The following CDC37L1 variants were observed in gnomAD, a reference collection of about 807,000 sequenced individuals.
CDC37L1 encodes cell division cycle 37 like 1, HSP90 cochaperone.
A neutral mutation model predicts 45.9 loss-of-function variants in CDC37L1; 32 were observed. The ratio of observed to expected loss-of-function variants is 0.70; its 90% CI spans 0.53 to 0.94. The LOEUF is 0.94. Ranked by LOEUF, CDC37L1 falls within the 40% of genes least tolerant of loss-of-function variation. The probability of loss-of-function intolerance (pLI) is 0.00; values close to 1 mark genes in which losing one functional copy is unlikely to be tolerated. For missense variants in CDC37L1, 434 were observed against 405.7 expected (o/e 1.07, Z -0.60); for synonymous variants, 150 against 133.0 (o/e 1.13, Z -0.88).
intron 4 of CDC37L1, 105 bp downstream of exon 4, chr9:4,697,316 A>G: frequency 1.5e-6 from 1 of 651,240 alleles, no homozygotes; most frequent in Non-Finnish European, 2.7e-6. Context: ...TTTAAAAGAA[A>G]GCAGGAAGGT....
At chr9:4,704,850 T>C (rs1178832696) in intron 6 of CDC37L1, among the ~76,000 whole-genome samples, 1 of 152,154 alleles carries the variant, frequency 6.6e-6, no homozygotes, top group Non-Finnish European at 1.5e-5. Flanking sequence ...CAGTTAACTT[T>C]AGGTTTATCC....
chr9:4,688,855 A>T (rs1366321571), intron 3 of CDC37L1, among the ~76,000 whole-genome samples: 3 of 152,052 alleles, frequency 2.0e-5, no homozygotes, highest in Admixed American at 2.0e-4. Context: ...TACCTTTAAG[A>T]CAACTTTATG....
In CDC37L1 at chr9:4,679,893, C is replaced by T. The variant is rs761869487; in HGVS notation, c.126C>T (p.Gly42=). The stretch of plus-strand genomic sequence containing the variant: ...GCTGCCCGCAGCTGCCAGGCGGCGG[C>T]GCCCAGGTGAGAAGGGGCCTGCGTT... ...SPRCPQLPGG[G]AQMYSHGIEL... Residue 42 remains glycine, a synonymous_variant, in exon 1 of 7, where the codon GGC becomes GGT. Transcript: ENST00000381854. The T allele has an allele frequency of 1.2e-6, 2 of 1,613,720 alleles. No individual in the cohort carries two copies. Among genetic ancestry groups the T allele is most frequent in the Non-Finnish European group, 1.7e-6 (2 of 1,179,892 alleles).
At chr9:4,695,504 C>G (rs1016246983) in intron 3 of CDC37L1, among the ~76,000 whole-genome samples, 1 of 151,772 alleles carries the variant, frequency 6.6e-6, no homozygotes, top group Non-Finnish European at 1.5e-5. Flanking sequence ...TTTTTTTAAT[C>G]CTTTTAAGAG....
At chr9:4,681,934 G>T (rs574156189) in intron 1 of CDC37L1, among the ~76,000 whole-genome samples, 1 of 152,194 alleles carries the variant, frequency 6.6e-6, no homozygotes, top group South Asian at 2.1e-4. Context: ...TATGGTCATG[G>T]ATTAGAATGT....
rs570324459 is a variant in CDC37L1, at chr9:4,680,015, G to A, written c.132+116G>A. On this transcript the variant is annotated intron_variant, in intron 1 of 6. Transcript: ENST00000381854. The stretch of plus-strand genomic sequence containing the variant: ...TTTTTCTACGCCCACCTCACTGCCA[G>A]GGGCCGGGGACCTGGGACCTGACGC... 189 of 1,337,118 alleles carry A rather than the reference G, an allele frequency of 1.4e-4. 1 individual carries two copies. The East Asian group carries it at 3.7e-3, about 26-fold the overall frequency. The allele number at this position is 1,337,118 out of a possible 1,614,324, so 82.8% of individuals were successfully genotyped here.
At position 4,679,977 on chromosome 9, in the gene CDC37L1, C is replaced by A. The variant is rs1253109347; in HGVS notation, c.132+78C>A. ...CCCTGGAATGCCGCGTCTCCCAGAC[C>A]CTCTTCTACGCCTTTTTCTACGCCC... On this transcript the variant is annotated intron_variant, in intron 1 of 6. Coordinates refer to ENST00000381854, the MANE Select transcript of CDC37L1 (RefSeq NM_017913.4). The A allele has an allele frequency of 3.2e-6, 5 of 1,555,216 alleles. No homozygotes were observed. In the African/African-American group the frequency reaches 5.4e-5, roughly 17 times the overall value.
At chr9:4,690,964 C>A (rs528898343) in intron 3 of CDC37L1, among the ~76,000 whole-genome samples, 1 of 152,202 alleles carries the variant, frequency 6.6e-6, no homozygotes, top group Non-Finnish European at 1.5e-5. Flanking sequence ...AGTGGACCAA[C>A]TTGTAGTCAT....
intron 6 of CDC37L1, among the ~76,000 whole-genome samples, chr9:4,702,717 TAA>T (rs76792682): frequency 2.1e-5 from 3 of 141,886 alleles, no homozygotes. Flanking sequence ...CCGTCTCTTC[TAA>T]AAAAAAAAAA....
intron 5 of CDC37L1, among the ~76,000 whole-genome samples, chr9:4,700,766 C>G (rs951863351): frequency 6.6e-6 from 1 of 152,114 alleles, no homozygotes; most frequent in African/African-American, 2.4e-5. Context: ...ATGAGGATTA[C>G]TGTTGCTATC....
rs1329142371 is a variant in CDC37L1, at chr9:4,706,205, AT to A, written c.*98del. 1.7e-6 allele frequency: 1 copy of A among 586,802 alleles called. No homozygotes were observed. The highest frequency in any genetic ancestry group is 3.1e-6 in the Non-Finnish European group (1 of 319,050). The allele number at this position is 586,802 out of a possible 1,614,324, so 36.3% of individuals were successfully genotyped here. ...GACACTTTTATGGGTGCTGCACTTT[AT>A]TTTTGTTCGGTTTTTGATGGGAGGG... is the stretch of plus-strand genomic sequence containing the variant. On this transcript the variant is annotated 3_prime_UTR_variant, in exon 7 of 7. Transcript: ENST00000381854.
intron 6 of CDC37L1, among the ~76,000 whole-genome samples, chr9:4,702,709 G>A (rs1283337425): frequency 1.3e-5 from 2 of 150,750 alleles, no homozygotes; most frequent in Non-Finnish European, 3.0e-5. Flanking sequence ...GTGAAACCCC[G>A]TCTCTTCTAA....
chr9:4,701,347 C>T (rs1490013966), intron 5 of CDC37L1, among the ~76,000 whole-genome samples: 4 of 152,264 alleles, frequency 2.6e-5, no homozygotes, highest in East Asian at 1.9e-4. Context: ...TCCATAATGA[C>T]GTTGACTATT....
At position 4,700,646 on chromosome 9, in the gene CDC37L1, T is replaced by A. The variant is rs1841388322; in HGVS notation, c.748-1218T>A. On this transcript the variant is annotated intron_variant, in intron 5 of 6. Transcript: ENST00000381854. The stretch of plus-strand genomic sequence containing the variant: ...AATCTTAACATTGTATGCTTAATAA[T>A]ACTTTTTTTTAAATTATGAAATAAT... Among the ~76,000 whole-genome samples, 4 of 152,342 alleles carry A rather than the reference T, an allele frequency of 2.6e-5. No individual in the cohort carries two copies. In the South Asian group the frequency reaches 8.3e-4, roughly 32 times the overall value.
At position 4,679,855 on chromosome 9, in the gene CDC37L1, C is replaced by T. The variant is rs1329990132; in HGVS notation, c.88C>T (p.Pro30Ser). 2.5e-6 allele frequency: 4 copies of T among 1,613,974 alleles called. No individual in the cohort carries two copies. The highest frequency in any genetic ancestry group is 2.5e-6 in the Non-Finnish European group (3 of 1,179,978). The change falls in exon 1 of 7, where the codon CCC (proline) becomes TCC (serine). Residue 30 changes from proline (P) to serine (S), a missense_variant. Coordinates refer to ENST00000381854, the MANE Select transcript of CDC37L1 (RefSeq NM_017913.4). ...AEEESDFDVF[P>S]SSPRCPQLPG... is the part of the protein sequence containing the mutation. ...GGAAGAGAGTGACTTCGACGTGTTC[C>T]CCAGTTCTCCCCGCTGCCCGCAGCT... is the stretch of plus-strand genomic sequence containing the variant.
intron 5 of CDC37L1, among the ~76,000 whole-genome samples, chr9:4,700,257 G>A (rs1841384665): frequency 6.6e-6 from 1 of 152,166 alleles, no homozygotes; most frequent in African/African-American, 2.4e-5. Context: ...CTGGGCTCAA[G>A]CAATCCTCCT....
chr9:4,688,072 A>G (rs1324742231), intron 2 of CDC37L1, among the ~76,000 whole-genome samples: 2 of 152,202 alleles, frequency 1.3e-5, no homozygotes, highest in Non-Finnish European at 1.5e-5. Flanking sequence ...ATCTCAGCTC[A>G]CTACAACCTC....
chr9:4,693,784 C>A (rs1841322509), intron 3 of CDC37L1, among the ~76,000 whole-genome samples: 1 of 152,128 alleles, frequency 6.6e-6, no homozygotes, highest in Non-Finnish European at 1.5e-5. Flanking sequence ...TTTACTATGT[C>A]TCAGGCACTG....
chr9:4,708,387 T>C lies in CDC37L1; in HGVS notation c.*2275T>C, dbSNP rs978771738. The C allele has an allele frequency of 1.3e-5, 2 of 148,722 alleles. No homozygotes were observed. The highest frequency in any genetic ancestry group is 2.5e-5 in the African/African-American group (1 of 39,866). 9.2% of individuals were successfully genotyped at this position (148,722 alleles called of 1,614,324 possible). ...TAAAATTAATATTTGAATAAAAAAA[T>C]TTTTAAATCAAATAGCTGTCCATTT... On this transcript the variant is annotated 3_prime_UTR_variant, in exon 7 of 7. Coordinates refer to ENST00000381854, the MANE Select transcript of CDC37L1 (RefSeq NM_017913.4).
Sources: gnomAD v4.1 joint callset for allele counts (sites outside exome capture counted in the v4.1 genomes callset) on GRCh38, gnomAD v4.1.1 for gene constraint, MANE v1.5 for transcripts, NCBI Gene and HGNC (gene_info 2026-07-23, HGNC 2026-07-21) for gene names.